UNC13C: variants seen among roughly 807,000 people sequenced by gnomAD.
UNC13C encodes unc-13 homolog C, also known as protein unc-13 homolog C.
Under a neutral mutation model 245.4 loss-of-function variants are expected in UNC13C, and 174 were observed. That is an observed-to-expected ratio of 0.71 (90% confidence interval 0.63 to 0.80). UNC13C has a LOEUF of 0.80. Among genes scored for constraint, UNC13C ranks in the 30% least tolerant of loss-of-function variants. UNC13C has a pLI of 0.00. For synonymous variants in UNC13C, 992 were observed against 895.1 expected (o/e 1.11, Z -1.93); for missense variants, 2,829 against 2,602.9 (o/e 1.09, Z -1.89).
At chr15:54,197,706 G>T (rs1310880791) in intron 4 of UNC13C, among the ~76,000 whole-genome samples, 1 of 152,082 alleles carries the variant, frequency 6.6e-6, no homozygotes, top group African/African-American at 2.4e-5. Flanking sequence ...GAGGATAGGA[G>T]GCAGGACTGG....
chr15:54,125,471 A>G (rs574214243), intron 2 of UNC13C, among the ~76,000 whole-genome samples: 5 of 152,104 alleles, frequency 3.3e-5, no homozygotes, highest in Admixed American at 6.5e-5. Context: ...TAAAAAGATA[A>G]TAATAATAAT....
chr15:54,167,743 G>A (rs1275942346), intron 4 of UNC13C, among the ~76,000 whole-genome samples: 3 of 151,596 alleles, frequency 2.0e-5, no homozygotes, highest in Middle Eastern at 3.4e-3. Context: ...CAAAGGACTG[G>A]TATGCAGGGT....
At chr15:54,148,520 C>T (rs999551334) in intron 4 of UNC13C, among the ~76,000 whole-genome samples, 3 of 152,174 alleles carry the variant, frequency 2.0e-5, no homozygotes, top group Non-Finnish European at 4.4e-5. Context: ...ACTATCCTCA[C>T]ACTCTCTTCC....
intron 2 of UNC13C, among the ~76,000 whole-genome samples, chr15:54,028,407 C>T (rs913275284): frequency 1.3e-5 from 2 of 152,178 alleles, no homozygotes; most frequent in Admixed American, 1.3e-4. Context: ...CTTTCCCCAT[C>T]CCTGCTCTGC....
intron 2 of UNC13C, among the ~76,000 whole-genome samples, chr15:54,042,939 A>G (rs1290801253): frequency 6.6e-6 from 1 of 152,170 alleles, no homozygotes; most frequent in Non-Finnish European, 1.5e-5. Context: ...AAAGTACGAC[A>G]AAATGAGTCT....
intron 2 of UNC13C, chr15:54,049,113 G>C (rs1363160048): frequency 2.7e-6 from 1 of 367,600 alleles, no homozygotes; most frequent in African/African-American, 2.2e-5. Flanking sequence ...TTGATCCAGA[G>C]CAATTTTCAA....
intron 2 of UNC13C, chr15:54,049,225 A>G (rs111528399): frequency 2.2e-5 from 11 of 505,726 alleles, no homozygotes; most frequent in African/African-American, 4.0e-5. Flanking sequence ...TCTCATTGCT[A>G]TGGTATCATT....
intron 2 of UNC13C, among the ~76,000 whole-genome samples, chr15:54,074,404 T>A (rs1218698210): frequency 6.6e-6 from 1 of 152,228 alleles, no homozygotes; most frequent in East Asian, 1.9e-4. Context: ...TTTTTTCTAA[T>A]TCTGTGAATA....
intron 1 of UNC13C, among the ~76,000 whole-genome samples, chr15:53,990,681 G>A (rs1265454283): frequency 6.6e-6 from 1 of 151,966 alleles, no homozygotes; most frequent in Non-Finnish European, 1.5e-5. Flanking sequence ...AACCTCTAGA[G>A]CCATCTTGCC....
At chr15:54,556,557 T>C (rs1183038283) in intron 29 of UNC13C, among the ~76,000 whole-genome samples, 4 of 151,972 alleles carry the variant, frequency 2.6e-5, no homozygotes, top group Non-Finnish European at 1.5e-5. Flanking sequence ...TCTAAAGAGG[T>C]AGCCAAAATG....
chr15:54,061,687 G>C (rs1479037519), intron 2 of UNC13C, among the ~76,000 whole-genome samples: 1 of 152,172 alleles, frequency 6.6e-6, no homozygotes, highest in African/African-American at 2.4e-5. Context: ...TGGTGCAAGA[G>C]AAAGTAGAAG....
At chr15:53,941,075 C>T in the UNC13C span, among the ~76,000 whole-genome samples, 1 of 152,144 alleles carries the variant, frequency 6.6e-6, no homozygotes, top group Non-Finnish European at 1.5e-5. Flanking sequence ...GCTACAGTAA[C>T]CAAGACACCA....
In UNC13C at chr15:54,075,990, T is replaced by G. The variant is rs185521422; in HGVS notation, c.2983+60104T>G. On this transcript the variant is annotated intron_variant, in intron 2 of 32. Transcript: ENST00000260323. The stretch of plus-strand genomic sequence containing the variant: ...AATTTGTTCAAAGTCACACAGCTAG[T>G]TGATTGCAGTGCACTTCAGAATAGG... 2.0e-3 allele frequency among the ~76,000 whole-genome samples: 304 copies of G among 152,086 alleles called. 1 individual carries two copies. The highest frequency in any genetic ancestry group is 7.1e-3 in the African/African-American group (295 of 41,522).
At chr15:54,617,241 A>G (rs1900500248) in intron 30 of UNC13C, among the ~76,000 whole-genome samples, 1 of 152,090 alleles carries the variant, frequency 6.6e-6, no homozygotes, top group Admixed American at 6.6e-5. Flanking sequence ...ATATAAAAGT[A>G]ATTTTTTAAT....
At chr15:54,587,524 T>C (rs1898556542) in intron 30 of UNC13C, among the ~76,000 whole-genome samples, 1 of 152,216 alleles carries the variant, frequency 6.6e-6, no homozygotes, top group Non-Finnish European at 1.5e-5. Flanking sequence ...AACTTCCACA[T>C]ATAGATAGTA....
chr15:54,605,558 C>G (rs1011360606), intron 30 of UNC13C, among the ~76,000 whole-genome samples: 2 of 152,164 alleles, frequency 1.3e-5, no homozygotes, highest in African/African-American at 4.8e-5. Context: ...AGCTCCACTT[C>G]CAAAATTCTA....
At chr15:53,905,667 T>C in the UNC13C span, among the ~76,000 whole-genome samples, 1 of 152,138 alleles carries the variant, frequency 6.6e-6, no homozygotes, top group African/African-American at 2.4e-5. Flanking sequence ...AAAGTTTTAG[T>C]TGTGTAGGAT....
At chr15:54,048,029 T>C (rs1385978374) in intron 2 of UNC13C, among the ~76,000 whole-genome samples, 2 of 152,216 alleles carry the variant, frequency 1.3e-5, no homozygotes, top group Non-Finnish European at 2.9e-5. Flanking sequence ...GTTTTTCATC[T>C]TTCTGAATGT....
intron 27 of UNC13C, among the ~76,000 whole-genome samples, chr15:54,549,159 G>T (rs919341271): frequency 1.6e-4 from 25 of 152,122 alleles, no homozygotes; most frequent in South Asian, 2.1e-4. Context: ...GGGCCTTGGG[G>T]TTCTAGAGAA....
Sources: gnomAD v4.1 joint callset for allele counts (sites outside exome capture counted in the v4.1 genomes callset) on GRCh38, gnomAD v4.1.1 for gene constraint, MANE v1.5 for transcripts, NCBI Gene and HGNC (gene_info 2026-07-23, HGNC 2026-07-21) for gene names.